Variants in EIF4G3 observed in about 807,000 individuals in gnomAD.
EIF4G3 encodes eIF-4-gamma 3.
EIF4G3 carries 34 observed loss-of-function variants against 186.4 expected under a neutral mutation model. The observed-to-expected ratio is 0.18, with a 90% confidence interval of 0.14 to 0.24. The LOEUF is 0.24. Among genes scored for constraint, EIF4G3 ranks in the 10% least tolerant of loss-of-function variants. EIF4G3 has a pLI of 1.00. For missense variants in EIF4G3, 1,536 were observed against 1,948.5 expected, an observed-to-expected ratio of 0.79 and a Z score of 3.99; for synonymous variants, 673 against 679.5, an observed-to-expected ratio of 0.99 and a Z score of 0.15.
intron 2 of EIF4G3, among the ~76,000 whole-genome samples, chr1:21,126,551 G>A (rs1037356385): frequency 5.3e-5 from 8 of 151,940 alleles, no homozygotes; most frequent in East Asian, 3.9e-4. Context: ...AGCTACTCCC[G>A]AGAATGGCAT....
At position 20,857,162 on chromosome 1, in the gene EIF4G3, C is replaced by CAAAAAAAAAA. The variant is rs577290987; in HGVS notation, c.3339+231_3339+240dup. ...TGGGCGACAGAGTGAGACTCCATCT[C>CAAAAAAAAAA]AAAAAAAAAAAAAAAAAGAAAATGT... On this transcript the variant is annotated intron_variant, in intron 25 of 36. Coordinates refer to ENST00000602326, the MANE Select transcript of EIF4G3 (RefSeq NM_001391906.1). Among the ~76,000 whole-genome samples, 23 of 47,344 alleles carry CAAAAAAAAAA rather than the reference C, an allele frequency of 4.9e-4. 2 individuals are homozygous for CAAAAAAAAAA. The highest frequency in any genetic ancestry group is 5.8e-4 in the Non-Finnish European group (16 of 27,456). The allele number at this position is 47,344 out of a possible 152,430, so 31.1% of individuals were successfully genotyped here. A position where few individuals can be genotyped will look rare whatever the true frequency, so the allele number is the denominator to read the frequency against.
chr1:21,049,374 T>TC (rs2094085240), intron 4 of EIF4G3, among the ~76,000 whole-genome samples: 1 of 152,198 alleles, frequency 6.6e-6, no homozygotes, highest in Non-Finnish European at 1.5e-5. Flanking sequence ...GCATAGTTTT[T>TC]CTCTCCTGAT....
intron 14 of EIF4G3, among the ~76,000 whole-genome samples, chr1:20,923,012 A>T (rs1251375475): frequency 6.6e-6 from 1 of 152,182 alleles, no homozygotes; most frequent in Non-Finnish European, 1.5e-5. Flanking sequence ...GAAACTGAAG[A>T]ACAGAGAGAT....
chr1:20,881,564 A>G (rs773493105), intron 19 of EIF4G3, among the ~76,000 whole-genome samples: 1 of 152,136 alleles, frequency 6.6e-6, no homozygotes, highest in East Asian at 1.9e-4. Flanking sequence ...GGGTGGGTGC[A>G]CTGTTTGAGC....
At chr1:20,963,034 G>T (rs1416441899) in intron 12 of EIF4G3, among the ~76,000 whole-genome samples, 2 of 151,330 alleles carry the variant, frequency 1.3e-5, no homozygotes, top group East Asian at 3.9e-4. Context: ...TTACAGGCGT[G>T]CACCACCATG....
chr1:21,135,317 T>G (rs1237527768), intron 2 of EIF4G3, among the ~76,000 whole-genome samples: 2 of 152,056 alleles, frequency 1.3e-5, no homozygotes, highest in Non-Finnish European at 2.9e-5. Context: ...CTGGCCAACA[T>G]GGTGAAATCC....
chr1:21,020,924 C>T (rs551618863), intron 4 of EIF4G3, among the ~76,000 whole-genome samples: 4 of 152,108 alleles, frequency 2.6e-5, no homozygotes, highest in African/African-American at 9.6e-5. Context: ...AGATTGATCA[C>T]ACATTCCCAC....
chr1:21,043,575 T>C (rs2093694996), intron 4 of EIF4G3, among the ~76,000 whole-genome samples: 1 of 152,050 alleles, frequency 6.6e-6, no homozygotes, highest in South Asian at 2.1e-4. Context: ...CATTTCAAGG[T>C]AAGTTACAGG....
chr1:20,938,801 T>C (rs759454710), intron 14 of EIF4G3, among the ~76,000 whole-genome samples: 4 of 152,194 alleles, frequency 2.6e-5, no homozygotes, highest in Non-Finnish European at 5.9e-5. Flanking sequence ...GAAATGCTTC[T>C]GAGGCTTTAT....
At chr1:20,906,359 G>C (rs920767516) in intron 14 of EIF4G3, among the ~76,000 whole-genome samples, 2 of 152,112 alleles carry the variant, frequency 1.3e-5, no homozygotes, top group African/African-American at 4.8e-5. Context: ...AAATTCTTGT[G>C]ATTTTCAACT....
chr1:20,978,066 T>C (rs892848979), intron 10 of EIF4G3, among the ~76,000 whole-genome samples: 6 of 152,208 alleles, frequency 3.9e-5, no homozygotes, highest in African/African-American at 1.4e-4. Flanking sequence ...TATTTCAGCA[T>C]GTTCATGCTG....
chr1:21,123,798 C>T (rs2096971517), intron 2 of EIF4G3, among the ~76,000 whole-genome samples: 1 of 152,070 alleles, frequency 6.6e-6, no homozygotes, highest in Non-Finnish European at 1.5e-5. Flanking sequence ...AAAAAATACA[C>T]AAACCTTATC....
intron 2 of EIF4G3, among the ~76,000 whole-genome samples, chr1:21,110,377 C>A (rs1158458911): frequency 6.6e-6 from 1 of 151,938 alleles, no homozygotes; most frequent in African/African-American, 2.4e-5. Context: ...CTCACTGCAA[C>A]CTCCACCTCC....
intron 34 of EIF4G3, among the ~76,000 whole-genome samples, chr1:20,817,047 T>C (rs1355888165): frequency 1.4e-5 from 2 of 140,506 alleles, no homozygotes; most frequent in Non-Finnish European, 1.5e-5. Flanking sequence ...GAAGGCAGCA[T>C]GCTCGTTAAG....
chr1:21,028,417 G>C (rs1340561649), intron 4 of EIF4G3, among the ~76,000 whole-genome samples: 1 of 152,176 alleles, frequency 6.6e-6, no homozygotes, highest in African/African-American at 2.4e-5. Flanking sequence ...GCAGACACCA[G>C]TGAAATTATA....
At chr1:20,959,268 A>G (rs1029110616) in intron 12 of EIF4G3, among the ~76,000 whole-genome samples, 35 of 152,208 alleles carry the variant, frequency 2.3e-4, no homozygotes, top group African/African-American at 7.0e-4. Context: ...AACAAAGCAT[A>G]TAAAAACATA....
At chr1:21,109,010 G>A (rs2096668303) in intron 2 of EIF4G3, among the ~76,000 whole-genome samples, 2 of 151,272 alleles carry the variant, frequency 1.3e-5, no homozygotes, top group African/African-American at 2.4e-5. Flanking sequence ...ATGAGGCAAA[G>A]AGTTTGAGGC....
intron 30 of EIF4G3, among the ~76,000 whole-genome samples, chr1:20,834,504 C>T (rs1355231395): frequency 2.6e-5 from 4 of 151,852 alleles, no homozygotes; most frequent in Admixed American, 1.3e-4. Context: ...ATTCACTTTA[C>T]TACTAAGGAC....
In EIF4G3 at chr1:21,176,864, C is replaced by G. The variant is rs931786381; in HGVS notation, c.-598G>C. Reference sequence around the variant, plus strand: ...AACGAGCAGAGCATCCAACATGGCGCTGTGGCCGCCTCCAGCAGTCCGGCA... The same window carrying G: ...AACGAGCAGAGCATCCAACATGGCGGTGTGGCCGCCTCCAGCAGTCCGGCA... On this transcript the variant is annotated 5_prime_UTR_variant, in exon 1 of 37. Transcript: ENST00000602326. 3 of 699,774 alleles carry G rather than the reference C, an allele frequency of 4.3e-6. No individual in the cohort carries two copies. The highest frequency in any genetic ancestry group is 2.7e-5 in the East Asian group (1 of 36,896). 43.3% of individuals were successfully genotyped at this position (699,774 alleles called of 1,614,324 possible). A position where few individuals can be genotyped will look rare whatever the true frequency, so the allele number is the denominator to read the frequency against.
Sources: gnomAD v4.1 joint callset for allele counts (sites outside exome capture counted in the v4.1 genomes callset) on GRCh38, gnomAD v4.1.1 for gene constraint, MANE v1.5 for transcripts, NCBI Gene and HGNC (gene_info 2026-07-23, HGNC 2026-07-21) for gene names.